The following PTCH1 variants were observed in gnomAD, a reference collection of about 807,000 sequenced individuals.
PTCH1 encodes the protein patched 1.
A neutral mutation model predicts 144.6 loss-of-function variants in PTCH1; 14 were observed. The observed-to-expected ratio is 0.10, with a 90% CI of 0.06 to 0.15. PTCH1 has a LOEUF of 0.15. Among genes scored for constraint, PTCH1 ranks in the 10% least tolerant of loss-of-function variants. The pLI, the probability that PTCH1 is intolerant of heterozygous loss-of-function variation, is 1.00. For missense variants in PTCH1, 1,623 were observed against 1,948.3 expected (o/e 0.83, Z 3.14); for synonymous variants, 833 against 793.6 (o/e 1.05, Z -0.83).
At chr9:95,516,454 G>T in intron 1 of PTCH1, 1 of 1,413,232 alleles carries the variant, frequency 7.1e-7, no homozygotes, top group South Asian at 1.6e-5. Flanking sequence ...CGGCCGCCGC[G>T]CTGGCTGCAC....
rs766313615 is a variant in PTCH1, at chr9:95,467,368, G to T, written c.2308C>A (p.Arg770=). ...GTAAGGTCCAGCCCGTCTCTCACTC[G>T]GGTGGTGCCATAAAGGCTGACCCCC... is the stretch of plus-strand genomic sequence containing the variant. ...LLGVSLYGTT[R]VRDGLDLTDI... Residue 770 remains arginine (R), a synonymous_variant, in exon 15 of 24, where the codon CGA becomes AGA. Transcript: ENST00000331920. 1 of 1,614,144 alleles carries T rather than the reference G, an allele frequency of 6.2e-7. No homozygotes were observed.
At chr9:95,474,611 T>C (rs1307044804) in intron 12 of PTCH1, among the ~76,000 whole-genome samples, 3 of 152,214 alleles carry the variant, frequency 2.0e-5, no homozygotes, top group African/African-American at 7.2e-5. Context: ...TAGAATCTTT[T>C]CTCCAGCTGT....
At position 95,456,377 on chromosome 9, in the gene PTCH1, C is replaced by T. The variant is rs2136649648; in HGVS notation, c.3205G>A (p.Gly1069Ser). The change falls in exon 19 of 24, where the codon GGC becomes AGC. Residue 1069 changes from glycine (G) to serine (S), a missense_variant. Around this residue, in one of 7 missense-constraint regions of PTCH1, gnomAD observed 504 missense variants for 679.3 expected, o/e 0.74. Coordinates refer to ENST00000331920, the MANE Select transcript of PTCH1 (RefSeq NM_000264.5). ...TTGATTCCGATGAGGCCCATCATGC[C>T]GAACAGCTCGACCGTCATCAGCGCC... ...VLALMTVELF[G>S]MMGLIGIKLS... is the part of the protein sequence containing the mutation. The T allele has an allele frequency of 6.2e-7, 1 of 1,614,032 alleles. No homozygotes were observed. Among genetic ancestry groups the T allele is most frequent in the Non-Finnish European group, 8.5e-7 (1 of 1,180,022 alleles).
At chr9:95,461,036 C>T (rs945143194) in intron 16 of PTCH1, among the ~76,000 whole-genome samples, 5 of 152,110 alleles carry the variant, frequency 3.3e-5, no homozygotes, top group Admixed American at 6.5e-5. Flanking sequence ...ATTAGCATGA[C>T]GGTTTTCTGC....
Position 95,446,932 on chromosome 9 carries a change from G to A in PTCH1, c.4324C>T (p.Arg1442Trp), listed in dbSNP as rs143464326. 7.8e-4 allele frequency: 1,263 copies of A among 1,614,026 alleles called. 7 individuals are homozygous for A. The highest frequency in any genetic ancestry group is 5.6e-3 in the South Asian group (508 of 91,070). The change falls in exon 23 of 24, where the codon CGG becomes TGG. Residue 1442 changes from arginine (R) to tryptophan (W), a missense_variant. By Grantham distance (101) the Arg-to-Trp change is moderately radical (BLOSUM62 -3). Coordinates refer to ENST00000331920, the MANE Select transcript of PTCH1 (RefSeq NM_000264.5). The stretch of plus-strand genomic sequence containing the variant: ...TCACCTCAGTTGGAGCTGCTTCCCC[G>A]GGGCCTCTCCTCGCATTCCACGTCC... ...LQDVECEERP[R>W]GSSSN
chr9:95,450,239 A>G, intron 20 of PTCH1: 1 of 431,742 alleles, frequency 2.3e-6, no homozygotes, highest in South Asian at 2.1e-5. Context: ...TTATTTATGA[A>G]TGTGTTACAC....
At chr9:95,477,954 G>C in intron 9 of PTCH1, 101 bp downstream of exon 9, 1 of 1,579,208 alleles carries the variant, frequency 6.3e-7, no homozygotes, top group Non-Finnish European at 8.7e-7. Context: ...GATGCACATC[G>C]ATGTTAAGAG....
intron 22 of PTCH1, 74 bp downstream of exon 22, chr9:95,448,995 G>C (rs1838195668): frequency 3.1e-6 from 5 of 1,597,578 alleles, no homozygotes; most frequent in Admixed American, 1.7e-5. Context: ...CAGCAGACAG[G>C]AGCCCCCGCT....
chr9:95,475,278 G>T (rs1840925770), intron 12 of PTCH1, among the ~76,000 whole-genome samples: 1 of 152,164 alleles, frequency 6.6e-6, no homozygotes, highest in African/African-American at 2.4e-5. Context: ...AAAATACCCT[G>T]ACGGCCTCTG....
chr9:95,463,209 G>C (rs1839690035), intron 15 of PTCH1, among the ~76,000 whole-genome samples: 1 of 152,134 alleles, frequency 6.6e-6, no homozygotes, highest in Non-Finnish European at 1.5e-5. Context: ...GAATGGTTAA[G>C]CTCTTGGGGT....
At chr9:95,490,236 G>GGC (rs1842286822) in intron 2 of PTCH1, among the ~76,000 whole-genome samples, 1 of 151,814 alleles carries the variant, frequency 6.6e-6, no homozygotes, top group Non-Finnish European at 1.5e-5. Context: ...CACTTTGGGA[G>GGC]GCCAAGGTGG....
chr9:95,476,886 T>C lies in PTCH1; in HGVS notation c.1504-29A>G. The C allele has an allele frequency of 1.3e-6, 2 of 1,595,896 alleles. No individual in the cohort carries two copies. The highest frequency in any genetic ancestry group is 1.1e-5 in the South Asian group (1 of 90,052). ...CAGCAAAAACAGAGGATGGTGGCAT[T>C]AGACATGCGAGATGCAATTCAGATG... On this transcript the variant is annotated intron_variant, in intron 10 of 23. Transcript: ENST00000331920. The surrounding 1 kb of genome is among the most constrained non-coding windows in gnomAD (Gnocchi z 4.6).
At chr9:95,447,505 C>T in intron 22 of PTCH1, 54 bp from the exon 23 acceptor site, 1 of 1,474,956 alleles carries the variant, frequency 6.8e-7, no homozygotes, top group Non-Finnish European at 9.0e-7. Flanking sequence ...GGGCATGGTC[C>T]CCGCAGCTCC....
In PTCH1 at chr9:95,476,016, T is replaced by G; in HGVS notation, c.1728+18A>C. 6.2e-7 allele frequency: 1 copy of G among 1,613,246 alleles called. No individual in the cohort carries two copies. The highest frequency in any genetic ancestry group is 8.5e-7 in the Non-Finnish European group (1 of 1,180,034). ...GCCCCGTTCAGGATCACCACAGCCT[T>G]CATCACCAGAAGCTCACCTGGAGGG... On this transcript the variant is annotated intron_variant, in intron 12 of 23. Coordinates refer to ENST00000331920, the MANE Select transcript of PTCH1 (RefSeq NM_000264.5). This position sits in a 1 kb window ranked among gnomAD's most constrained non-coding sequence, Gnocchi z 4.6.
intron 15 of PTCH1, among the ~76,000 whole-genome samples, chr9:95,463,423 G>A (rs1839714561): frequency 1.3e-5 from 2 of 152,112 alleles, no homozygotes; most frequent in Admixed American, 1.3e-4. Flanking sequence ...AGACAGACGG[G>A]TTTTCATAGG....
chr9:95,447,902 G>C (rs550351430), intron 22 of PTCH1, among the ~76,000 whole-genome samples: 334 of 152,344 alleles, frequency 2.2e-3, no homozygotes, highest in Middle Eastern at 3.4e-3. Flanking sequence ...CAGACATGTG[G>C]TTGCTTAAGT....
intron 1 of PTCH1, chr9:95,514,466 T>C (rs1844278086): frequency 6.6e-6 from 1 of 152,196 alleles, no homozygotes; most frequent in Non-Finnish European, 1.5e-5. Context: ...GAGCAACAAA[T>C]TTATCAGAAA....
rs1838926237 is a variant in PTCH1, at chr9:95,456,359, C to T, written c.3223G>A (p.Gly1075Arg). Residue 1075 changes from glycine to arginine, a missense_variant, in exon 19 of 24, where the codon GGA becomes AGA. This residue lies in a region of PTCH1 where 504 missense variants were observed against 679.3 expected (regional missense o/e 0.74). Transcript: ENST00000331920. ...VELFGMMGLI[G>R]IKLSAVPVVI... ...ACGGGCACGGCACTGAGCTTGATTCCGATGAGGCCCATCATGCCGAACAGC... is the reference window on the plus strand; with the variant it reads ...ACGGGCACGGCACTGAGCTTGATTCTGATGAGGCCCATCATGCCGAACAGC... 3 of 1,614,108 alleles carry T rather than the reference C, an allele frequency of 1.9e-6. No individual in the cohort carries two copies. Among genetic ancestry groups the T allele is most frequent in the Non-Finnish European group, 1.7e-6 (2 of 1,180,032 alleles).
chr9:95,458,421 A>T lies in PTCH1; in HGVS notation c.2888-128T>A, dbSNP rs1391712456. The T allele has an allele frequency of 8.1e-7, 1 of 1,229,004 alleles. No homozygotes were observed. Among genetic ancestry groups the T allele is most frequent in the Non-Finnish European group, 1.2e-6 (1 of 858,906 alleles). The allele number at this position is 1,229,004 out of a possible 1,614,324, so 76.1% of individuals were successfully genotyped here. On this transcript the variant is annotated intron_variant, in intron 17 of 23. Coordinates refer to ENST00000331920, the MANE Select transcript of PTCH1 (RefSeq NM_000264.5). This position sits in a 1 kb window ranked among gnomAD's most constrained non-coding sequence, Gnocchi z 4.7. ...CTTCTACATGATACAAAGAACAAAC[A>T]ATGCTGATCATAGCCTCCAGGCCTT...
Sources: allele counts gnomAD v4.1 joint callset (sites outside exome capture counted in the v4.1 genomes callset), GRCh38; gene constraint gnomAD v4.1.1; regional missense constraint gnomAD v4.1.1; non-coding constraint Gnocchi (gnomAD v3.1); transcripts MANE v1.5; gene names NCBI Gene and HGNC (gene_info 2026-07-23, HGNC 2026-07-21).